Variants in STEAP1B observed in about 807,000 individuals in gnomAD.
STEAP1B encodes the protein STEAP family protein MGC87042.
In STEAP1B, 13 loss-of-function variants were observed where a neutral mutation model predicts 27.9. That is an observed-to-expected ratio of 0.47 (90% CI 0.30 to 0.74). STEAP1B has a LOEUF of 0.74. STEAP1B is among the 30% of genes least tolerant of loss of function. The pLI is 0.06. For synonymous variants in STEAP1B, 86 were observed against 107.1 expected (o/e 0.80, Z 1.22); for missense variants, 250 against 298.7 (o/e 0.84, Z 1.20).
At chr7:22,458,799 T>C (rs1785631150) in intron 4 of STEAP1B, among the ~76,000 whole-genome samples, 1 of 151,664 alleles carries the variant, frequency 6.6e-6, no homozygotes, top group Admixed American at 6.6e-5. Flanking sequence ...GGGCATTGCA[T>C]GTTGTTAAGG....
In STEAP1B at chr7:22,493,452, A is replaced by G; in HGVS notation, c.469T>C (p.Trp157Arg). ...CCAAACTGCTTTCTTGTTAACATCC[A>G]CTTATCCAACCAATGTGGAAACTTC... ...YKKFPHWLDK[W>R]MLTRKQFGLL... Residue 157 changes from tryptophan (W) to arginine (R), a missense_variant, in exon 3 of 5, where the codon TGG becomes CGG. By Grantham distance (101) the Trp-to-Arg change is moderately radical (BLOSUM62 -3). Coordinates refer to ENST00000678116, the MANE Select transcript of STEAP1B (RefSeq NM_001382447.1). 2 of 1,613,460 alleles carry G rather than the reference A, an allele frequency of 1.2e-6. No homozygotes were observed. The highest frequency in any genetic ancestry group is 2.2e-5 in the South Asian group (2 of 91,062).
At chr7:22,429,645 G>T (rs904700464) in intron 4 of STEAP1B, among the ~76,000 whole-genome samples, 1 of 152,152 alleles carries the variant, frequency 6.6e-6, no homozygotes, top group Non-Finnish European at 1.5e-5. Context: ...GCCCACACAA[G>T]ATTTCATCAC....
rs536834485 is a variant in STEAP1B, at chr7:22,424,069, G to A, written c.763-4233C>T. 1.2e-4 allele frequency among the ~76,000 whole-genome samples: 19 copies of A among 152,108 alleles called. No individual in the cohort carries two copies. The East Asian group carries it at 2.1e-3, about 17-fold the overall frequency. On this transcript the variant is annotated intron_variant, in intron 4 of 4. Coordinates refer to ENST00000678116, the MANE Select transcript of STEAP1B (RefSeq NM_001382447.1). ...AATAAAATAAGTGAATTTATGGTAT[G>A]CAAGTTATACCTAAATAACATTGTT...
intron 4 of STEAP1B, among the ~76,000 whole-genome samples, chr7:22,490,324 C>T (rs1315730356): frequency 6.6e-6 from 1 of 151,984 alleles, no homozygotes; most frequent in African/African-American, 2.4e-5. Flanking sequence ...AATTGCCTAC[C>T]TTATTTTACT....
chr7:22,425,467 G>A (rs945819735), intron 4 of STEAP1B, among the ~76,000 whole-genome samples: 7 of 152,038 alleles, frequency 4.6e-5, no homozygotes, highest in Non-Finnish European at 7.3e-5. Context: ...GTCAGTCAAC[G>A]CAATGAGACA....
intron 4 of STEAP1B, among the ~76,000 whole-genome samples, chr7:22,482,241 G>A (rs28469242): frequency 0.32 from 48,038 of 151,998 alleles, 7,709 homozygotes; most frequent in East Asian, 0.44. Context: ...ACTGGGCTTC[G>A]TGTTCCAATG....
rs777306768 is a variant in STEAP1B, at chr7:22,493,497, G to A, written c.424C>T (p.His142Tyr). The A allele has an allele frequency of 6.2e-7, 1 of 1,613,576 alleles. No homozygotes were observed. Among genetic ancestry groups the A allele is most frequent in the Non-Finnish European group, 8.5e-7 (1 of 1,179,626 alleles). Residue 142 changes from histidine (H) to tyrosine (Y), a missense_variant, in exon 3 of 5, where the codon CAT becomes TAT. Transcript: ENST00000678116. ...AACTTCTTATACTTGGTTCCATTAT[G>A]AACTTGGACAATTGCTGCTATCACA... ...PGVIAAIVQV[H>Y]NGTKYKKFPH...
intron 1 of STEAP1B, among the ~76,000 whole-genome samples, chr7:22,496,373 A>T (rs551712956): frequency 1.3e-5 from 2 of 152,230 alleles, no homozygotes; most frequent in South Asian, 2.1e-4. Flanking sequence ...AAGAAAAAAA[A>T]TTTTCAATAA....
At chr7:22,499,596 T>G (rs1786500500) in intron 1 of STEAP1B, among the ~76,000 whole-genome samples, 2 of 152,194 alleles carry the variant, frequency 1.3e-5, no homozygotes, top group South Asian at 4.1e-4. Context: ...TTTAAAGCCT[T>G]GATTGACTAT....
At chr7:22,494,417 G>A (rs1786401068) in intron 2 of STEAP1B, among the ~76,000 whole-genome samples, 1 of 144,816 alleles carries the variant, frequency 6.9e-6, no homozygotes, top group Non-Finnish European at 1.5e-5. Context: ...ACTGTTATAT[G>A]GGCATTGATG....
intron 4 of STEAP1B, among the ~76,000 whole-genome samples, chr7:22,445,570 G>T (rs529760807): frequency 4.7e-4 from 71 of 152,366 alleles, no homozygotes; most frequent in Non-Finnish European, 8.8e-4. Context: ...GGAAGCACCT[G>T]CACCTCTTCA....
At chr7:22,497,132 G>C (rs1305963637) in intron 1 of STEAP1B, among the ~76,000 whole-genome samples, 1 of 152,172 alleles carries the variant, frequency 6.6e-6, no homozygotes, top group Non-Finnish European at 1.5e-5. Flanking sequence ...TATGACTCAG[G>C]CCTGGGCAAT....
At chr7:22,489,577 T>C (rs948404283) in intron 4 of STEAP1B, among the ~76,000 whole-genome samples, 2 of 151,996 alleles carry the variant, frequency 1.3e-5, no homozygotes, top group Non-Finnish European at 2.9e-5. Flanking sequence ...AAAGGAGAAT[T>C]TTGGACACAG....
chr7:22,492,347 A>G, intron 4 of STEAP1B: 1 of 225,434 alleles, frequency 4.4e-6, no homozygotes. Flanking sequence ...AAAAAAAAAA[A>G]GGATATTTTA....
chr7:22,436,825 T>C (rs553128540), intron 4 of STEAP1B, among the ~76,000 whole-genome samples: 3 of 152,380 alleles, frequency 2.0e-5, no homozygotes, highest in South Asian at 2.1e-4. Context: ...CCTGTGTTTT[T>C]ACTATTGTGA....
At chr7:22,425,042 G>A (rs1397240281) in intron 4 of STEAP1B, among the ~76,000 whole-genome samples, 1 of 152,104 alleles carries the variant, frequency 6.6e-6, no homozygotes, top group Admixed American at 6.5e-5. Context: ...AATAATATTT[G>A]TACAGTCATA....
At chr7:22,471,891 T>TC (rs1454675737) in intron 4 of STEAP1B, among the ~76,000 whole-genome samples, 1 of 56,376 alleles carries the variant, frequency 1.8e-5, no homozygotes, top group South Asian at 5.4e-4. Context: ...CAAACCTGTC[T>TC]CCAAAAAAAA....
chr7:22,483,614 T>C (rs962054487), intron 4 of STEAP1B, among the ~76,000 whole-genome samples: 5 of 152,220 alleles, frequency 3.3e-5, no homozygotes, highest in Non-Finnish European at 5.9e-5. Flanking sequence ...TATTTCAAAA[T>C]TTTTCATTAT....
chr7:22,425,243 G>C (rs1182545013), intron 4 of STEAP1B, among the ~76,000 whole-genome samples: 1 of 152,176 alleles, frequency 6.6e-6, no homozygotes, highest in Non-Finnish European at 1.5e-5. Flanking sequence ...ACAGAATGCT[G>C]TACTCTGTAC....
Sources: allele counts gnomAD v4.1 joint callset (sites outside exome capture counted in the v4.1 genomes callset), GRCh38; gene constraint gnomAD v4.1.1; transcripts MANE v1.5; gene names NCBI Gene and HGNC (gene_info 2026-07-23, HGNC 2026-07-21).